The following PDE4D variants were observed in gnomAD, a reference collection of about 807,000 sequenced individuals.
The protein encoded by PDE4D is 3',5'-cyclic-AMP phosphodiesterase 4D.
In PDE4D, 24 loss-of-function variants were observed where a neutral mutation model predicts 87.4. The observed-to-expected ratio is 0.27, with a 90% CI of 0.20 to 0.39. The LOEUF is 0.39. Among genes scored for constraint, PDE4D ranks in the 10% least tolerant of loss-of-function variants. PDE4D has a pLI of 1.00. For synonymous variants in PDE4D, 384 were observed against 383.2 expected (o/e 1.00, Z -0.02); for missense variants, 714 against 1,041.0 (o/e 0.69, Z 4.32).
rs1247385661 is a variant in PDE4D at position 60,197,061 on chromosome 5, ATAGATAGATAGACAGT to A, written c.-89-11390_-89-11375del. On this transcript the variant is annotated intron_variant, in intron 1 of 16. Coordinates refer to the PDE4D transcript ENST00000502484. ...GATAGATAGATAGATAGATAGATAG[ATAGATAGATAGACAGT>A]TAGATAGATAGATAGATAGATAGAT... Among the ~76,000 whole-genome samples, 20 of 110,226 alleles carry A rather than the reference ATAGATAGATAGACAGT, an allele frequency of 1.8e-4. 1 individual carries two copies. Among genetic ancestry groups the A allele is most frequent in the African/African-American group, 7.1e-4 (19 of 26,908 alleles). The allele number at this position is 110,226 out of a possible 152,430, so 72.3% of individuals were successfully genotyped here. A position where few individuals can be genotyped will look rare whatever the true frequency, so the allele number is the denominator to read the frequency against.
intron 1 of PDE4D, among the ~76,000 whole-genome samples, chr5:60,274,162 TTGA>T (rs1157892015): frequency 7.5e-6 from 1 of 133,134 alleles, no homozygotes; most frequent in African/African-American, 3.3e-5. Context: ...CAGGCAAATA[TTGA>T]TGATGGGGGT....
chr5:59,384,286 C>T (rs2153604542), intron 1 of PDE4D, among the ~76,000 whole-genome samples: 1 of 152,252 alleles, frequency 6.6e-6, no homozygotes, highest in East Asian at 1.9e-4. Context: ...TTGTAGCTCT[C>T]CACCCTCAGG....
At chr5:60,358,045 C>G (rs548078694) in intron 1 of PDE4D, among the ~76,000 whole-genome samples, 1 of 152,054 alleles carries the variant, frequency 6.6e-6, no homozygotes, top group Admixed American at 6.6e-5. Flanking sequence ...AGATCAAAAC[C>G]CTGTGGCACT....
intron 6 of PDE4D, among the ~76,000 whole-genome samples, chr5:59,026,702 A>G (rs773151245): frequency 1.3e-5 from 2 of 152,174 alleles, no homozygotes; most frequent in African/African-American, 2.4e-5. Context: ...CACCCCAGAT[A>G]TAGGATGGGA....
rs536064053 is a variant in PDE4D, at chr5:60,127,564, C to T, written c.42+57993G>A. 4.7e-5 allele frequency: 22 copies of T among 470,632 alleles called. No individual in the cohort carries two copies. The South Asian group carries it at 8.8e-4, about 19-fold the overall frequency. The allele number at this position is 470,632 out of a possible 1,614,324, so 29.2% of individuals were successfully genotyped here. A position where few individuals can be genotyped will look rare whatever the true frequency, so the allele number is the denominator to read the frequency against. On this transcript the variant is annotated intron_variant, in intron 2 of 16. Coordinates refer to the PDE4D transcript ENST00000502484. ...TAACTGGAAGGTGAAATCGACAGGC[C>T]TTAGTGATAGGGTACTTACAGCAAC... is the stretch of plus-strand genomic sequence containing the variant.
chr5:59,883,063 G>T (rs188594485), intron 1 of PDE4D, among the ~76,000 whole-genome samples: 1 of 152,284 alleles, frequency 6.6e-6, no homozygotes, highest in East Asian at 1.9e-4. Flanking sequence ...ACAGGCGTGA[G>T]CCAAGATGCC....
At chr5:59,535,716 C>G (rs989977191) in intron 1 of PDE4D, among the ~76,000 whole-genome samples, 2 of 152,172 alleles carry the variant, frequency 1.3e-5, no homozygotes, top group African/African-American at 4.8e-5. Context: ...TCTGCCACAA[C>G]TTATAATAAA....
intron 1 of PDE4D, among the ~76,000 whole-genome samples, chr5:59,325,629 A>G (rs997129265): frequency 2.0e-5 from 3 of 152,164 alleles, no homozygotes; most frequent in African/African-American, 4.8e-5. Flanking sequence ...TAGTGCTGCA[A>G]ATGGAACTTA....
At chr5:60,087,275 A>G (rs1774636324) in intron 2 of PDE4D, among the ~76,000 whole-genome samples, 1 of 152,208 alleles carries the variant, frequency 6.6e-6, no homozygotes, top group South Asian at 2.1e-4. Flanking sequence ...ACACCACCAA[A>G]AAAACCCCCA....
At chr5:59,984,599 G>T (rs1762230288) in intron 3 of PDE4D, among the ~76,000 whole-genome samples, 1 of 152,156 alleles carries the variant, frequency 6.6e-6, no homozygotes, top group Non-Finnish European at 1.5e-5. Context: ...AGTCAAAGTA[G>T]AAATATGGAA....
intron 1 of PDE4D, among the ~76,000 whole-genome samples, chr5:60,428,665 TC>T (rs372533394): frequency 7.9e-5 from 12 of 152,320 alleles, no homozygotes; most frequent in African/African-American, 2.9e-4. Flanking sequence ...TATTTACTTC[TC>T]ACGATGATAT....
chr5:59,620,098 A>C (rs1830172897), intron 1 of PDE4D, among the ~76,000 whole-genome samples: 1 of 152,152 alleles, frequency 6.6e-6, no homozygotes, highest in African/African-American at 2.4e-5. Flanking sequence ...TTTCTACCTC[A>C]AACAGAAATA....
intron 1 of PDE4D, among the ~76,000 whole-genome samples, chr5:59,355,063 G>A (rs1334950643): frequency 6.6e-6 from 1 of 152,130 alleles, no homozygotes; most frequent in East Asian, 1.9e-4. Flanking sequence ...TCTTAAACTT[G>A]TTACAAATGA....
At chr5:59,478,272 A>G (rs1803661114) in intron 1 of PDE4D, among the ~76,000 whole-genome samples, 1 of 152,036 alleles carries the variant, frequency 6.6e-6, no homozygotes, top group African/African-American at 2.4e-5. Flanking sequence ...ATTTACATCT[A>G]TTTTTTCAGG....
At chr5:59,258,427 C>A (rs1215492682) in intron 1 of PDE4D, among the ~76,000 whole-genome samples, 1 of 151,906 alleles carries the variant, frequency 6.6e-6, no homozygotes, top group Non-Finnish European at 1.5e-5. Flanking sequence ...GGCACCATTG[C>A]ATCTCCAGAG....
At position 59,750,084 on chromosome 5, in the gene PDE4D, CTTTT is replaced by C. The variant is rs35243469; in HGVS notation, c.455+143080_455+143083del. On this transcript the variant is annotated intron_variant, in intron 1 of 14. Coordinates refer to ENST00000340635, the MANE Select transcript of PDE4D (RefSeq NM_001104631.2). ...TTCAAATGGTAGACAGAATTATGAC[CTTTT>C]TTTTTTTTTTTTTTTTAACTACTTT... 6.7e-4 allele frequency among the ~76,000 whole-genome samples: 88 copies of C among 131,420 alleles called. 1 individual carries two copies. The highest frequency in any genetic ancestry group is 9.4e-4 in the African/African-American group (33 of 35,000). The allele number at this position is 131,420 out of a possible 152,430, so 86.2% of individuals were successfully genotyped here.
intron 1 of PDE4D, chr5:59,768,772 G>T: frequency 1.3e-6 from 1 of 750,150 alleles, no homozygotes; most frequent in Non-Finnish European, 2.0e-6. Context: ...AATGAACAAG[G>T]AGGGAAAGCA....
At chr5:60,521,704 G>A (rs1446506057) in intron 1 of PDE4D, 1 of 151,894 alleles carries the variant, frequency 6.6e-6, no homozygotes, top group African/African-American at 2.4e-5. Context: ...AAGGGGAGAG[G>A]AGGAAGAAAG....
chr5:59,841,548 G>A (rs1742991724), intron 1 of PDE4D, among the ~76,000 whole-genome samples: 1 of 152,002 alleles, frequency 6.6e-6, no homozygotes, highest in Non-Finnish European at 1.5e-5. Flanking sequence ...CTGTGTTCCA[G>A]TCACAGGGCT....
Sources: gnomAD v4.1 joint callset for allele counts (sites outside exome capture counted in the v4.1 genomes callset) on GRCh38, gnomAD v4.1.1 for gene constraint, MANE v1.5 for transcripts, NCBI Gene and HGNC (gene_info 2026-07-23, HGNC 2026-07-21) for gene names.